Variants in ATG16L1 observed in about 807,000 individuals in gnomAD.
ATG16L1 encodes autophagy-related protein 16-1.
A neutral mutation model predicts 88.5 loss-of-function variants in ATG16L1; 37 were observed. The ratio of observed to expected loss-of-function variants is 0.42; its 90% CI spans 0.32 to 0.55. The LOEUF (loss-of-function observed/expected upper bound fraction) is 0.55. ATG16L1 is among the 20% of genes least tolerant of loss of function. ATG16L1 has a pLI of 0.13. For missense variants in ATG16L1, 554 were observed against 752.8 expected (o/e 0.74, Z 3.09); for synonymous variants, 301 against 281.0 (o/e 1.07, Z -0.71).
chr2:233,256,246 C>T, intron 2 of ATG16L1, 51 bp downstream of exon 2: 1 of 1,464,564 alleles, frequency 6.8e-7, no homozygotes, highest in Non-Finnish European at 9.5e-7. Context: ...GGAAATTTAT[C>T]TCAGTTCAGT....
chr2:233,289,408 T>TGTGTGTGTGTGTGTGAGAGAGAGAGA (rs144316394), intron 12 of ATG16L1, among the ~76,000 whole-genome samples: 72 of 149,650 alleles, frequency 4.8e-4, no homozygotes, highest in African/African-American at 1.5e-3. Context: ...TGTGTGTGTG[T>TGTGTGTGTGTGTGTGAGAGAGAGAGA]GACAGGATCT....
chr2:233,287,755 A>G lies in ATG16L1; in HGVS notation c.1204-2099A>G, dbSNP rs568831414. The stretch of plus-strand genomic sequence containing the variant: ...TAGCTGGATGTGGTGGCACACGCCT[A>G]TAGTCCCAGCTACTCAGGAGGCTGA... On this transcript the variant is annotated intron_variant, in intron 12 of 17. Coordinates refer to ENST00000392017, the MANE Select transcript of ATG16L1 (RefSeq NM_030803.7). 7.9e-5 allele frequency among the ~76,000 whole-genome samples: 12 copies of G among 152,250 alleles called. No homozygotes were observed. In the East Asian group the frequency reaches 1.5e-3, roughly 20 times the overall value.
chr2:233,253,352 T>TG (rs1364737709), intron 1 of ATG16L1, among the ~76,000 whole-genome samples: 1 of 140,894 alleles, frequency 7.1e-6, no homozygotes, highest in East Asian at 2.0e-4. Flanking sequence ...TTTTTTTTTT[T>TG]TTTTTTTTTG....
intron 2 of ATG16L1, among the ~76,000 whole-genome samples, chr2:233,258,140 A>G (rs1696948191): frequency 6.6e-6 from 1 of 151,990 alleles, no homozygotes; most frequent in African/African-American, 2.4e-5. Flanking sequence ...ACTGGTGTGC[A>G]TTTATGTATA....
intron 4 of ATG16L1, among the ~76,000 whole-genome samples, chr2:233,264,582 C>T (rs1434853752): frequency 6.6e-6 from 1 of 152,160 alleles, no homozygotes; most frequent in Non-Finnish European, 1.5e-5. Flanking sequence ...GGCGCTTGCT[C>T]AGGCTTTTGC....
chr2:233,276,385 A>G (rs766692068), intron 9 of ATG16L1, among the ~76,000 whole-genome samples: 54 of 152,176 alleles, frequency 3.5e-4, no homozygotes, highest in Non-Finnish European at 5.1e-4. Context: ...AGCAATTTGA[A>G]GCCAATTCTA....
chr2:233,277,754 C>A, intron 10 of ATG16L1, 81 bp downstream of exon 10: 1 of 1,283,220 alleles, frequency 7.8e-7, no homozygotes, highest in Non-Finnish European at 1.1e-6. Context: ...GTGTTGCTGG[C>A]ATCTGGTTGA....
intron 10 of ATG16L1, among the ~76,000 whole-genome samples, chr2:233,279,181 T>C (rs1281123629): frequency 6.6e-6 from 1 of 152,162 alleles, no homozygotes; most frequent in Non-Finnish European, 1.5e-5. Context: ...CTGTGTCTTT[T>C]AAAAAAGGAA....
intron 2 of ATG16L1, among the ~76,000 whole-genome samples, chr2:233,258,904 T>C (rs879530663): frequency 6.6e-6 from 1 of 152,146 alleles, no homozygotes; most frequent in Non-Finnish European, 1.5e-5. Context: ...CTCACTGTGT[T>C]ACCCAGGCTG....
intron 1 of ATG16L1, among the ~76,000 whole-genome samples, chr2:233,253,332 GT>G (rs570754671): frequency 1.1e-4 from 12 of 112,910 alleles, no homozygotes; most frequent in South Asian, 3.2e-4. Context: ...GTGAGACTGG[GT>G]TTTTTTGTTT....
In ATG16L1 at chr2:233,294,284, G is replaced by A. The variant is rs749879032; in HGVS notation, c.1758G>A (p.Ser586=). The change falls in exon 18 of 18, where the codon TCG becomes TCA. Residue 586 remains serine, a synonymous_variant. Coordinates refer to ENST00000392017, the MANE Select transcript of ATG16L1 (RefSeq NM_030803.7). ...CATCCATCAATGCGGTGGCGTGGTC[G>A]CCCTCTGGCTCGCACGTTGTCAGTG... The part of the protein sequence containing the change: ...HSSSINAVAW[S]PSGSHVVSVD... The A allele has an allele frequency of 1.9e-5, 31 of 1,608,908 alleles. No individual in the cohort carries two copies. Among genetic ancestry groups the A allele is most frequent in the South Asian group, 1.0e-4 (9 of 90,352 alleles).
intron 2 of ATG16L1, among the ~76,000 whole-genome samples, chr2:233,258,661 G>C (rs940950930): frequency 6.6e-6 from 1 of 152,154 alleles, no homozygotes; most frequent in East Asian, 1.9e-4. Context: ...AAACTCATGT[G>C]CTTGGAATAT....
chr2:233,256,304 C>T (rs942927767), intron 2 of ATG16L1, 109 bp downstream of exon 2: 3 of 905,848 alleles, frequency 3.3e-6, no homozygotes, highest in Middle Eastern at 2.9e-4. Flanking sequence ...TTCTGTGTTC[C>T]AGTTTTTGTC....
chr2:233,254,391 T>C (rs1295452296), intron 1 of ATG16L1, among the ~76,000 whole-genome samples: 1 of 152,146 alleles, frequency 6.6e-6, no homozygotes, highest in Non-Finnish European at 1.5e-5. Flanking sequence ...TCTATTATAG[T>C]TTGTGAAACA....
chr2:233,258,025 ATATC>A (rs1559377578), intron 2 of ATG16L1, among the ~76,000 whole-genome samples: 47 of 52,132 alleles, frequency 9.0e-4, no homozygotes, highest in African/African-American at 1.8e-3. Flanking sequence ...AAATATCTAT[ATATC>A]TATATATCTA....
At chr2:233,251,977 G>A in intron 1 of ATG16L1, 35 bp downstream of exon 1, 4 of 1,483,458 alleles carry the variant, frequency 2.7e-6, no homozygotes, top group Non-Finnish European at 3.6e-6. Flanking sequence ...GAGTGGGGCG[G>A]GCGGGCCCCG....
chr2:233,262,860 C>T (rs1559382115), intron 2 of ATG16L1, among the ~76,000 whole-genome samples: 3 of 152,152 alleles, frequency 2.0e-5, no homozygotes, highest in Admixed American at 2.0e-4. Flanking sequence ...GTGCCTGTTA[C>T]TGGGACTTCA....
chr2:233,276,665 C>G (rs547635961), intron 9 of ATG16L1, among the ~76,000 whole-genome samples: 3 of 152,100 alleles, frequency 2.0e-5, no homozygotes, highest in African/African-American at 7.2e-5. Context: ...TTTTAAGAGA[C>G]GAGGTTTCGC....
chr2:233,281,612 TA>T (rs1315948272), intron 11 of ATG16L1, among the ~76,000 whole-genome samples: 3 of 152,078 alleles, frequency 2.0e-5, no homozygotes, highest in Non-Finnish European at 2.9e-5. Flanking sequence ...GGGCAAGGGT[TA>T]GGGGCCATAG....
Sources: allele counts gnomAD v4.1 joint callset (sites outside exome capture counted in the v4.1 genomes callset), GRCh38; gene constraint gnomAD v4.1.1; transcripts MANE v1.5; gene names NCBI Gene and HGNC (gene_info 2026-07-23, HGNC 2026-07-21).